The following SIDT1 variants were observed in gnomAD, a reference collection of about 807,000 sequenced individuals.
SIDT1 encodes the protein SID1 transmembrane family, member 1.
Under a neutral mutation model 107.5 loss-of-function variants are expected in SIDT1, and 101 were observed. The ratio of observed to expected loss-of-function variants is 0.94; its 90% confidence interval spans 0.80 to 1.11. SIDT1 has a LOEUF of 1.11. Among genes scored for constraint, SIDT1 ranks in the 50% least tolerant of loss-of-function variants. The pLI, the probability that SIDT1 is intolerant of heterozygous loss-of-function variation, is 0.00. For missense variants in SIDT1, 1,076 were observed against 1,058.2 expected (o/e 1.02, Z -0.23); for synonymous variants, 395 against 398.2 (o/e 0.99, Z 0.10).
chr3:113,583,530 CA>C, intron 7 of SIDT1, 34 bp downstream of exon 7: 1 of 1,487,570 alleles, frequency 6.7e-7, no homozygotes, highest in Non-Finnish European at 9.2e-7. Flanking sequence ...GGCTGCTTAG[CA>C]AAACCTGAAG....
At chr3:113,541,617 C>T (rs1413547976) in intron 1 of SIDT1, among the ~76,000 whole-genome samples, 1 of 152,144 alleles carries the variant, frequency 6.6e-6, no homozygotes, top group African/African-American at 2.4e-5. Context: ...CCCACAATTA[C>T]TTTTGCACCA....
At chr3:113,582,659 C>A (rs1000853278) in intron 6 of SIDT1, among the ~76,000 whole-genome samples, 1 of 152,090 alleles carries the variant, frequency 6.6e-6, no homozygotes, top group African/African-American at 2.4e-5. Flanking sequence ...GGGGCCTAAC[C>A]TTTTGGGCAG....
At chr3:113,637,106 G>C in the SIDT1 span, among the ~76,000 whole-genome samples, 42 of 152,098 alleles carry the variant, frequency 2.8e-4, no homozygotes, top group Non-Finnish European at 5.4e-4. Context: ...GGCCGGGCGC[G>C]GTGGCTCACG....
chr3:113,553,408 T>C (rs1459368021), intron 1 of SIDT1, among the ~76,000 whole-genome samples: 1 of 152,162 alleles, frequency 6.6e-6, no homozygotes, highest in Non-Finnish European at 1.5e-5. Flanking sequence ...ACAATAATTT[T>C]CTACTACTTT....
chr3:113,605,082 A>G, intron 14 of SIDT1, 106 bp downstream of exon 14: 3 of 1,104,424 alleles, frequency 2.7e-6, no homozygotes, highest in Admixed American at 2.1e-5. Context: ...CCATTCAGGA[A>G]TTTCCCATTG....
chr3:113,537,755 A>G (rs1460436139), intron 1 of SIDT1, among the ~76,000 whole-genome samples: 2 of 152,196 alleles, frequency 1.3e-5, no homozygotes, highest in Non-Finnish European at 2.9e-5. Flanking sequence ...GAGAGCAAAG[A>G]GAGAAGAATA....
chr3:113,575,188 G>A (rs1299698470), intron 3 of SIDT1, among the ~76,000 whole-genome samples: 1 of 152,140 alleles, frequency 6.6e-6, no homozygotes, highest in Non-Finnish European at 1.5e-5. Flanking sequence ...AAATGATGGG[G>A]AAAATTAAAA....
intron 9 of SIDT1, among the ~76,000 whole-genome samples, chr3:113,589,353 T>C (rs16861221): frequency 0.015 from 2,270 of 152,264 alleles, 24 homozygotes; most frequent in East Asian, 0.053. Flanking sequence ...AGTTCCAGAA[T>C]CTAGTGCAAA....
chr3:113,552,168 T>C (rs1334899973), intron 1 of SIDT1, among the ~76,000 whole-genome samples: 1 of 152,228 alleles, frequency 6.6e-6, no homozygotes, highest in Admixed American at 6.5e-5. Flanking sequence ...AGTTGTATTT[T>C]CTTCTTTTCT....
chr3:113,626,777 A>C (rs1250925998), intron 24 of SIDT1, among the ~76,000 whole-genome samples: 1 of 152,160 alleles, frequency 6.6e-6, no homozygotes, highest in Non-Finnish European at 1.5e-5. Context: ...CCTGGATTAT[A>C]GTTCCATCCT....
chr3:113,635,873 CAAA>C, the SIDT1 span, among the ~76,000 whole-genome samples: 1 of 95,718 alleles, frequency 1.0e-5, no homozygotes, highest in Non-Finnish European at 2.2e-5. Flanking sequence ...GACTCTGTCT[CAAA>C]AAAAAAAAAA....
Position 113,627,924 on chromosome 3 carries a change from T to C in SIDT1, c.*216T>C. The C allele has an allele frequency of 1.8e-6, 1 of 566,712 alleles. No individual in the cohort carries two copies. Among genetic ancestry groups the C allele is most frequent in the Non-Finnish European group, 3.2e-6 (1 of 316,634 alleles). 35.1% of individuals were successfully genotyped at this position (566,712 alleles called of 1,614,324 possible). A position where few individuals can be genotyped will look rare whatever the true frequency, so the allele number is the denominator to read the frequency against. On this transcript the variant is annotated 3_prime_UTR_variant, in exon 25 of 25. Transcript: ENST00000264852. ...CATGTTTTGAGGACAGACGCAAACC[T>C]GAGGAGCTGAGAAACACTTGCTCCT... is the stretch of plus-strand genomic sequence containing the variant.
intron 1 of SIDT1, among the ~76,000 whole-genome samples, chr3:113,562,360 TC>T (rs1941511753): frequency 6.6e-6 from 1 of 152,244 alleles, no homozygotes; most frequent in Non-Finnish European, 1.5e-5. Context: ...GCAATTCTAC[TC>T]ATAGGCATAT....
At chr3:113,535,373 C>G (rs1169843988) in intron 1 of SIDT1, among the ~76,000 whole-genome samples, 3 of 151,866 alleles carry the variant, frequency 2.0e-5, no homozygotes, top group African/African-American at 7.3e-5. Flanking sequence ...TTAGCTAAGG[C>G]TAAATAAAAT....
At chr3:113,618,496 G>A (rs573101493) in intron 20 of SIDT1, among the ~76,000 whole-genome samples, 24 of 152,320 alleles carry the variant, frequency 1.6e-4, no homozygotes, top group Middle Eastern at 3.4e-3. Context: ...TGTAAGAAAC[G>A]CGAAACTGTC....
At chr3:113,533,297 C>T (rs1937683559) in intron 1 of SIDT1, 54 bp downstream of exon 1, 1 of 1,304,352 alleles carries the variant, frequency 7.7e-7, no homozygotes, top group Admixed American at 3.7e-5. Context: ...ATCTCAGAGC[C>T]CCGTCGCTGC....
intron 1 of SIDT1, among the ~76,000 whole-genome samples, chr3:113,558,508 C>G (rs1407780089): frequency 6.6e-6 from 1 of 152,136 alleles, no homozygotes; most frequent in African/African-American, 2.4e-5. Flanking sequence ...AGCAAACAGC[C>G]TCAGAAAGCA....
At chr3:113,634,299 C>T (rs957075512), downstream of SIDT1, among the ~76,000 whole-genome samples, 1 of 152,186 alleles carries the variant, frequency 6.6e-6, no homozygotes, top group African/African-American at 2.4e-5. Flanking sequence ...AACTTATGTC[C>T]TCAATTCCTA....
chr3:113,615,911 G>C (rs1178165396), intron 19 of SIDT1, 189 bp from the exon 20 acceptor site: 1 of 616,872 alleles, frequency 1.6e-6, no homozygotes, highest in Non-Finnish European at 2.9e-6. Flanking sequence ...GCACAGATAT[G>C]GCATCCCTCT....
Sources: gnomAD v4.1 joint callset for allele counts (sites outside exome capture counted in the v4.1 genomes callset) on GRCh38, gnomAD v4.1.1 for gene constraint, MANE v1.5 for transcripts, NCBI Gene and HGNC (gene_info 2026-07-23, HGNC 2026-07-21) for gene names.